THOC1: variants seen among roughly 807,000 people sequenced by gnomAD.
The protein encoded by THOC1 is THO complex 1.
Under a neutral mutation model 97.3 loss-of-function variants are expected in THOC1, and 29 were observed. The observed-to-expected ratio is 0.30, with a 90% CI of 0.22 to 0.41. The LOEUF (loss-of-function observed/expected upper bound fraction) is 0.41. Among genes scored for constraint, THOC1 ranks in the 10% least tolerant of loss-of-function variants. The pLI, the probability that THOC1 is intolerant of heterozygous loss-of-function variation, is 1.00. For synonymous variants in THOC1, 255 were observed against 257.0 expected (o/e 0.99, Z 0.07); for missense variants, 529 against 761.9 (o/e 0.69, Z 3.60).
intron 7 of THOC1, among the ~76,000 whole-genome samples, chr18:257,457 G>A (rs1010530260): frequency 1.3e-5 from 2 of 152,176 alleles, no homozygotes; most frequent in Non-Finnish European, 2.9e-5. Context: ...AGAGGTATCA[G>A]TAGAATCTCA....
chr18:257,276 T>C (rs1912466194), intron 7 of THOC1, among the ~76,000 whole-genome samples: 1 of 152,164 alleles, frequency 6.6e-6, no homozygotes, highest in South Asian at 2.1e-4. Context: ...TTCCACAGAA[T>C]GCAATATAGA....
intron 11 of THOC1, among the ~76,000 whole-genome samples, chr18:232,898 T>C (rs2143198894): frequency 6.6e-6 from 1 of 152,304 alleles, no homozygotes; most frequent in Non-Finnish European, 1.5e-5. Flanking sequence ...TATCATCTTT[T>C]CAGTTTTCCA....
Position 264,078 on chromosome 18 carries a change from T to C in THOC1, c.204A>G (p.Ser68=), listed in dbSNP as rs1326845097. Residue 68 remains serine (S), a synonymous_variant, in exon 4 of 21, where the codon TCA becomes TCG. Transcript: ENST00000261600. The stretch of plus-strand genomic sequence containing the variant: ...AAATAATAGCTAAAACGTTTTCACA[T>C]GATGAATGATTTATCTACCAACAGA... ...ILEEEIINHS[S]CENVLAIISL... 1 of 1,611,388 alleles carries C rather than the reference T, an allele frequency of 6.2e-7. No individual in the cohort carries two copies. The highest frequency in any genetic ancestry group is 1.1e-5 in the South Asian group (1 of 90,602).
intron 12 of THOC1, chr18:225,851 A>C (rs926774108): frequency 6.4e-6 from 1 of 156,978 alleles, no homozygotes; most frequent in Non-Finnish European, 1.4e-5. Flanking sequence ...AGCTGCCACT[A>C]ACTGAGCTCT....
intron 11 of THOC1, among the ~76,000 whole-genome samples, chr18:237,870 T>C (rs1045449634): frequency 2.2e-4 from 33 of 151,226 alleles, no homozygotes; most frequent in African/African-American, 8.0e-4. Context: ...ATAGTATTCC[T>C]TTTTTTTTCT....
Position 260,240 on chromosome 18 carries a change from A to G in THOC1, c.321T>C (p.Asp107=), listed in dbSNP as rs371404118. 2.3e-5 allele frequency: 37 copies of G among 1,596,204 alleles called. No individual in the cohort carries two copies. The highest frequency in any genetic ancestry group is 2.9e-5 in the Non-Finnish European group (34 of 1,171,968). ...LGDVLDCLPL[D]QCDTIFTFVE... is the part of the protein sequence containing the mutation. ...CAAAAGTGAATATTGTGTCACACTG[A>G]TCCAAAGGAAGACAATCCAAAACAT... is the stretch of plus-strand genomic sequence containing the variant. Residue 107 remains aspartate (D), a synonymous_variant, in exon 5 of 21, where the codon GAT becomes GAC. Coordinates refer to ENST00000261600, the MANE Select transcript of THOC1 (RefSeq NM_005131.3).
At chr18:224,872 TC>T (rs2143168119) in intron 15 of THOC1, 51 bp downstream of exon 15, 2 of 1,393,156 alleles carry the variant, frequency 1.4e-6, no homozygotes, top group South Asian at 2.5e-5. Context: ...AAAGCCTTTC[TC>T]GTCGTTCTTG....
chr18:262,823 A>G (rs1253416575), intron 4 of THOC1, among the ~76,000 whole-genome samples: 1 of 151,606 alleles, frequency 6.6e-6, no homozygotes, highest in Non-Finnish European at 1.5e-5. Flanking sequence ...TTTACAGATT[A>G]AAAAGGAGTT....
rs185745333 is a variant in THOC1 at position 258,324 on chromosome 18, A to T, written c.520+856T>A. ...AAGAAAGGAAAAAAAATAAAGGAGA[A>T]GTAACGATTTTTAGGCAAAACACAG... On this transcript the variant is annotated intron_variant, in intron 7 of 20. Transcript: ENST00000261600. 1.2e-4 allele frequency among the ~76,000 whole-genome samples: 18 copies of T among 152,308 alleles called. No individual in the cohort carries two copies. The East Asian group carries it at 1.9e-3, about 16-fold the overall frequency.
At chr18:227,393 C>G (rs545657758) in intron 11 of THOC1, among the ~76,000 whole-genome samples, 2 of 152,072 alleles carry the variant, frequency 1.3e-5, no homozygotes, top group South Asian at 2.1e-4. Flanking sequence ...AAAGAAGATA[C>G]GGATAACAGC....
At chr18:234,306 T>C (rs1173815698) in intron 11 of THOC1, among the ~76,000 whole-genome samples, 1 of 152,228 alleles carries the variant, frequency 6.6e-6, no homozygotes, top group African/African-American at 2.4e-5. Context: ...GGTTAGATCC[T>C]CCAGTACGGT....
In THOC1 at chr18:235,141, CATTTT is replaced by C. The variant is rs1911632165; in HGVS notation, c.919-8245_919-8241del. Among the ~76,000 whole-genome samples, 5 of 150,608 alleles carry C rather than the reference CATTTT, an allele frequency of 3.3e-5. No homozygotes were observed. The South Asian group carries it at 6.3e-4, about 19-fold the overall frequency. On this transcript the variant is annotated intron_variant, in intron 11 of 20. Transcript: ENST00000261600. ...TCATTAAAATTTTCTAAACAATTCCCATTTTATTAGGCTTCAAAATTTATTCGTAG... is the reference window on the plus strand; with the variant it reads ...TCATTAAAATTTTCTAAACAATTCCCATTAGGCTTCAAAATTTATTCGTAG...
chr18:225,180 T>G (rs1213582897), intron 13 of THOC1, 41 bp from the exon 14 acceptor site: 1 of 1,547,484 alleles, frequency 6.5e-7, no homozygotes, highest in Non-Finnish European at 8.7e-7. Flanking sequence ...AACAACTTTC[T>G]GCATCATAGG....
chr18:225,749 A>T (rs1911260100), intron 12 of THOC1: 1 of 185,122 alleles, frequency 5.4e-6, no homozygotes, highest in Non-Finnish European at 1.1e-5. Flanking sequence ...ATGCACATTC[A>T]GTATGGCATG....
intron 16 of THOC1, 84 bp from the exon 17 acceptor site, chr18:223,589 T>C (rs1171481974): frequency 1.8e-6 from 2 of 1,086,940 alleles, no homozygotes; most frequent in Non-Finnish European, 2.7e-6. Flanking sequence ...AACAATACAA[T>C]GTAAACAGTG....
chr18:240,425 C>T (rs1195340805), intron 11 of THOC1, among the ~76,000 whole-genome samples: 1 of 152,148 alleles, frequency 6.6e-6, no homozygotes, highest in Non-Finnish European at 1.5e-5. Flanking sequence ...TTGTAATATG[C>T]TCAATGATAT....
intron 11 of THOC1, among the ~76,000 whole-genome samples, chr18:230,496 A>T (rs551008561): frequency 1.3e-5 from 2 of 152,292 alleles, no homozygotes; most frequent in South Asian, 4.1e-4. Context: ...ACACTGAATC[A>T]GGGGTGGAAA....
At chr18:244,125 A>C (rs12373326) in intron 11 of THOC1, among the ~76,000 whole-genome samples, 1 of 151,964 alleles carries the variant, frequency 6.6e-6, no homozygotes, top group Non-Finnish European at 1.5e-5. Flanking sequence ...GGACTGCCAT[A>C]ATTTTAAATT....
At chr18:225,688 T>C (rs1038227468) in intron 12 of THOC1, 2 of 318,758 alleles carry the variant, frequency 6.3e-6, no homozygotes, top group South Asian at 7.8e-5. Flanking sequence ...TAAAATAAGC[T>C]GAGTGTGAAA....
Sources: gnomAD v4.1 joint callset for allele counts (sites outside exome capture counted in the v4.1 genomes callset) on GRCh38, gnomAD v4.1.1 for gene constraint, MANE v1.5 for transcripts, NCBI Gene and HGNC (gene_info 2026-07-23, HGNC 2026-07-21) for gene names.